The following APLF variants were observed in gnomAD, a reference collection of about 807,000 sequenced individuals.
APLF encodes aprataxin and PNK-like factor.
In APLF, 61 loss-of-function variants were observed where a neutral mutation model predicts 55.6. The observed-to-expected ratio is 1.10, with a 90% CI of 0.89 to 1.36. APLF has a LOEUF of 1.36. Among genes scored for constraint, APLF ranks in the 40% most tolerant of loss-of-function variants. APLF has a pLI of 0.00. For synonymous variants in APLF, 207 were observed against 214.8 expected (o/e 0.96, Z 0.32); for missense variants, 611 against 602.5 (o/e 1.01, Z -0.15).
At chr2:68,477,144 A>C (rs1285426034) in intron 1 of APLF, among the ~76,000 whole-genome samples, 1 of 152,154 alleles carries the variant, frequency 6.6e-6, no homozygotes, top group Admixed American at 6.5e-5. Flanking sequence ...TGCCATTTGC[A>C]GTTGAGAGAT....
intron 9 of APLF, among the ~76,000 whole-genome samples, chr2:68,572,336 T>A (rs1267062327): frequency 6.6e-6 from 1 of 152,144 alleles, no homozygotes; most frequent in Non-Finnish European, 1.5e-5. Context: ...TTAAAAATGT[T>A]TGTTCTTGTA....
chr2:68,479,799 C>G (rs1675893548), intron 1 of APLF, among the ~76,000 whole-genome samples: 1 of 152,142 alleles, frequency 6.6e-6, no homozygotes, highest in African/African-American at 2.4e-5. Context: ...TTCTTGCCTT[C>G]CCTTCTACCT....
At chr2:68,571,462 A>T (rs561887870) in intron 9 of APLF, among the ~76,000 whole-genome samples, 17 of 152,056 alleles carry the variant, frequency 1.1e-4, no homozygotes, top group Admixed American at 9.2e-4. Context: ...ATCTTGAATT[A>T]ATTTTTGTAT....
At chr2:68,558,348 T>C (rs2104046227) in intron 8 of APLF, among the ~76,000 whole-genome samples, 1 of 152,326 alleles carries the variant, frequency 6.6e-6, no homozygotes, top group East Asian at 1.9e-4. Flanking sequence ...GAGTACTTTT[T>C]ACTATTTTAT....
chr2:68,562,983 A>G (rs1671207898), intron 8 of APLF: 2 of 731,146 alleles, frequency 2.7e-6, no homozygotes, highest in South Asian at 6.2e-5. Context: ...TTACCATCAA[A>G]GAGAATAAAT....
intron 2 of APLF, among the ~76,000 whole-genome samples, chr2:68,496,578 T>A (rs1375155825): frequency 6.6e-6 from 1 of 152,210 alleles, no homozygotes; most frequent in Non-Finnish European, 1.5e-5. Flanking sequence ...TTTAAGTCAT[T>A]TCTTTGCTTA....
intron 6 of APLF, among the ~76,000 whole-genome samples, chr2:68,536,971 A>G (rs1287534275): frequency 2.6e-5 from 4 of 152,138 alleles, no homozygotes; most frequent in Non-Finnish European, 5.9e-5. Flanking sequence ...GTTCGAGACC[A>G]GCTTGGCCAA....
chr2:68,487,680 A>G (rs949128365), intron 1 of APLF, among the ~76,000 whole-genome samples: 2 of 152,146 alleles, frequency 1.3e-5, no homozygotes, highest in African/African-American at 4.8e-5. Context: ...GATCTTTAGG[A>G]TAATCTGTTT....
intron 8 of APLF, among the ~76,000 whole-genome samples, chr2:68,558,521 T>A (rs1344289804): frequency 6.6e-6 from 1 of 152,234 alleles, no homozygotes; most frequent in Non-Finnish European, 1.5e-5. Flanking sequence ...CCATTTTGTT[T>A]TGATAGGACA....
At chr2:68,469,792 C>T (rs1017160514) in intron 1 of APLF, among the ~76,000 whole-genome samples, 2 of 152,168 alleles carry the variant, frequency 1.3e-5, no homozygotes, top group South Asian at 2.1e-4. Context: ...AAGTGGAAAA[C>T]TCAGTAAGTT....
chr2:68,525,305 A>C (rs1027559838), intron 5 of APLF, among the ~76,000 whole-genome samples: 17 of 152,140 alleles, frequency 1.1e-4, no homozygotes, highest in Admixed American at 6.5e-4. Flanking sequence ...CATTAAAAAA[A>C]AAAAAAATTA....
chr2:68,492,244 C>T (rs139858956), intron 2 of APLF, among the ~76,000 whole-genome samples: 2,081 of 151,392 alleles, frequency 0.014, 41 homozygotes, highest in African/African-American at 0.046. Context: ...TTTGGGAGGC[C>T]GGGGTGGGTG....
chr2:68,504,178 A>T (rs975164462), intron 3 of APLF, among the ~76,000 whole-genome samples: 2 of 152,074 alleles, frequency 1.3e-5, no homozygotes, highest in Non-Finnish European at 2.9e-5. Flanking sequence ...AATTGAATTC[A>T]TAATTTAAGT....
chr2:68,472,926 AC>A (rs1188824238), intron 1 of APLF, among the ~76,000 whole-genome samples: 1 of 151,806 alleles, frequency 6.6e-6, no homozygotes, highest in Admixed American at 6.6e-5. Flanking sequence ...GTTCCCATAT[AC>A]TCTCTGCCCT....
intron 9 of APLF, among the ~76,000 whole-genome samples, chr2:68,575,108 G>A (rs1671586247): frequency 6.6e-6 from 1 of 152,138 alleles, no homozygotes; most frequent in African/African-American, 2.4e-5. Flanking sequence ...AGCTGTGTAG[G>A]AGGACAGAAT....
intron 3 of APLF, among the ~76,000 whole-genome samples, chr2:68,511,228 A>G (rs1677040919): frequency 6.6e-6 from 1 of 151,808 alleles, no homozygotes; most frequent in Admixed American, 6.6e-5. Flanking sequence ...TACCTTTACT[A>G]GACTACATTT....
intron 5 of APLF, among the ~76,000 whole-genome samples, chr2:68,514,339 A>G (rs933935914): frequency 6.6e-6 from 1 of 151,722 alleles, no homozygotes; most frequent in African/African-American, 2.4e-5. Flanking sequence ...TTTCCTGTGT[A>G]TTCTGTGCCT....
At chr2:68,573,054 A>G (rs1463834739) in intron 9 of APLF, among the ~76,000 whole-genome samples, 1 of 152,210 alleles carries the variant, frequency 6.6e-6, no homozygotes. Flanking sequence ...TCCTCTGCAT[A>G]TATAAAAAAA....
At chr2:68,552,306 T>C (rs1419708590) in intron 8 of APLF, among the ~76,000 whole-genome samples, 1 of 152,076 alleles carries the variant, frequency 6.6e-6, no homozygotes, top group African/African-American at 2.4e-5. Flanking sequence ...AAAATCAGCT[T>C]TGTGTTTGGG....
Sources: allele counts gnomAD v4.1 joint callset (sites outside exome capture counted in the v4.1 genomes callset), GRCh38; gene constraint gnomAD v4.1.1; transcripts MANE v1.5; gene names NCBI Gene and HGNC (gene_info 2026-07-23, HGNC 2026-07-21).